FXYD5: variants seen among roughly 807,000 people sequenced by gnomAD.
FXYD5 encodes FXYD domain containing ion transport regulator 5, also known as FXYD domain-containing ion transport regulator 5.
FXYD5 carries 21 observed loss-of-function variants against 25.7 expected under a neutral mutation model. That is an observed-to-expected ratio of 0.82 (90% CI 0.58 to 1.18). The LOEUF (loss-of-function observed/expected upper bound fraction) is 1.18. Among genes scored for constraint, FXYD5 ranks in the 50% most tolerant of loss-of-function variants. FXYD5 has a pLI of 0.00. For missense variants in FXYD5, 229 were observed against 227.7 expected (o/e 1.01, Z -0.04); for synonymous variants, 101 against 90.7 (o/e 1.11, Z -0.64).
At chr19:35,159,617 T>G (rs1008736078) in intron 4 of FXYD5, 1 of 1,550,332 alleles carries the variant, frequency 6.5e-7, no homozygotes, top group Admixed American at 2.0e-5. Flanking sequence ...AGCAACTTTG[T>G]CCCTTCCTCC....
At position 35,169,807 on chromosome 19, in the gene FXYD5, T is replaced by C. The variant is rs2065483273; in HGVS notation, c.*192T>C. The C allele has an allele frequency of 3.4e-6, 2 of 591,388 alleles. No homozygotes were observed. The highest frequency in any genetic ancestry group is 6.0e-6 in the Non-Finnish European group (2 of 331,346). The allele number at this position is 591,388 out of a possible 1,614,324, so 36.6% of individuals were successfully genotyped here. A position where few individuals can be genotyped will look rare whatever the true frequency, so the allele number is the denominator to read the frequency against. ...CCCAACCCTGCCCGCCCCTGAAGGC[T>C]ACCTGGCGCCTTGGGGGCTGTCCCT... On this transcript the variant is annotated 3_prime_UTR_variant, in exon 9 of 9. Coordinates refer to ENST00000392219, the MANE Select transcript of FXYD5 (RefSeq NM_014164.6).
intron 8 of FXYD5, among the ~76,000 whole-genome samples, chr19:35,168,918 CTGGGCT>C (rs1028954761): frequency 6.6e-6 from 1 of 152,136 alleles, no homozygotes; most frequent in Non-Finnish European, 1.5e-5. Context: ...CAAAAATTAG[CTGGGCT>C]TGGTGGCACA....
intron 2 of FXYD5, 84 bp downstream of exon 2, chr19:35,155,695 C>T (rs1434346520): frequency 3.0e-6 from 3 of 1,010,672 alleles, no homozygotes; most frequent in Non-Finnish European, 4.7e-6. Context: ...GGTGGTTGGC[C>T]CGTGTGAACG....
chr19:35,163,989 C>G (rs2065428448), intron 5 of FXYD5, 167 bp from the exon 6 acceptor site: 1 of 1,481,834 alleles, frequency 6.7e-7, no homozygotes, highest in Non-Finnish European at 9.0e-7. Flanking sequence ...CAATGCCTGT[C>G]ATTACTTATT....
At chr19:35,164,990 G>C (rs1426759289) in intron 6 of FXYD5, among the ~76,000 whole-genome samples, 2 of 152,210 alleles carry the variant, frequency 1.3e-5, no homozygotes, top group African/African-American at 4.8e-5. Flanking sequence ...GAGACTTTCA[G>C]ATTTCAGATT....
At chr19:35,155,803 G>T (rs1158722848) in intron 2 of FXYD5, among the ~76,000 whole-genome samples, 192 bp downstream of exon 2, 1 of 152,212 alleles carries the variant, frequency 6.6e-6, no homozygotes, top group Non-Finnish European at 1.5e-5. Context: ...CTCAGACCCG[G>T]GTGGCTGCTT....
At chr19:35,157,035 T>A (rs2065362084) in intron 2 of FXYD5, 1 of 208,530 alleles carries the variant, frequency 4.8e-6, no homozygotes, top group African/African-American at 2.4e-5. Context: ...TACAGCCCTG[T>A]GAAGTAGATT....
intron 6 of FXYD5, among the ~76,000 whole-genome samples, chr19:35,165,086 C>T (rs534920273): frequency 9.3e-5 from 14 of 150,800 alleles, no homozygotes; most frequent in South Asian, 2.1e-4. Flanking sequence ...CATTTCCTTT[C>T]GGTGTCATGT....
intron 3 of FXYD5, among the ~76,000 whole-genome samples, chr19:35,158,016 G>A (rs1362840457): frequency 3.3e-5 from 5 of 152,170 alleles, no homozygotes; most frequent in Non-Finnish European, 7.4e-5. Context: ...GGAAGTTCTG[G>A]GGGCTTTTAT....
At chr19:35,159,582 T>C in intron 4 of FXYD5, 1 of 1,550,638 alleles carries the variant, frequency 6.4e-7, no homozygotes, top group Non-Finnish European at 8.7e-7. Flanking sequence ...TCCAGCTTTT[T>C]CTGTCTACAC....
At chr19:35,168,478 C>T (rs990181906) in intron 8 of FXYD5, among the ~76,000 whole-genome samples, 4 of 152,092 alleles carry the variant, frequency 2.6e-5, no homozygotes, top group African/African-American at 7.2e-5. Flanking sequence ...GAATGAGCTG[C>T]GCCCATTGCT....
chr19:35,158,410 G>T lies in FXYD5; in HGVS notation c.199+10G>T. ...ACCTGGCCTGCTGATGGTGAGTAGTGCAGGGGCAGGCGGCGGGGACAGGAC... is the reference window on the plus strand; with the variant it reads ...ACCTGGCCTGCTGATGGTGAGTAGTTCAGGGGCAGGCGGCGGGGACAGGAC... On this transcript the variant is annotated intron_variant, in intron 4 of 8. Transcript: ENST00000392219. The T allele has an allele frequency of 1.3e-6, 2 of 1,539,408 alleles. No homozygotes were observed. The highest frequency in any genetic ancestry group is 1.8e-6 in the Non-Finnish European group (2 of 1,112,496).
chr19:35,159,370 G>A, intron 4 of FXYD5: 1 of 1,186,300 alleles, frequency 8.4e-7, no homozygotes, highest in Non-Finnish European at 1.2e-6. Flanking sequence ...CACTGACTGT[G>A]TGCTGTGTTT....
chr19:35,155,693 G>A lies in FXYD5; in HGVS notation c.61+82G>A, dbSNP rs535189781. 9.1e-4 allele frequency: 950 copies of A among 1,043,516 alleles called. 17 individuals carry two copies. The highest frequency in any genetic ancestry group is 8.0e-3 in the South Asian group (636 of 79,716). 64.6% of individuals were successfully genotyped at this position (1,043,516 alleles called of 1,614,324 possible). On this transcript the variant is annotated intron_variant, in intron 2 of 8. Transcript: ENST00000392219. ...ACGTGTGCTGCGGGGTGGGTGGTTG[G>A]CCCGTGTGAACGTTGTCCTGCCCTG...
chr19:35,161,114 C>T (rs1406989050), intron 5 of FXYD5, among the ~76,000 whole-genome samples: 1 of 152,060 alleles, frequency 6.6e-6, no homozygotes, highest in Non-Finnish European at 1.5e-5. Flanking sequence ...CAGTTCCCCT[C>T]GGAGGGCTGG....
rs540515029 is a variant in FXYD5 at position 35,160,860 on chromosome 19, C to T, written c.292+59C>T. The T allele has an allele frequency of 7.5e-5, 74 of 992,422 alleles. No homozygotes were observed. The African/African-American group carries it at 1.1e-3, about 15-fold the overall frequency. 61.5% of individuals were successfully genotyped at this position (992,422 alleles called of 1,614,324 possible). A position where few individuals can be genotyped will look rare whatever the true frequency, so the allele number is the denominator to read the frequency against. Reference sequence around the variant, plus strand: ...TTTTTGTTTAATTCTCTATCTAGGTCAACATTTCCCTCAGTACGTTTCTCA... The same window carrying T: ...TTTTTGTTTAATTCTCTATCTAGGTTAACATTTCCCTCAGTACGTTTCTCA... On this transcript the variant is annotated intron_variant, in intron 5 of 8. Transcript: ENST00000392219.
At chr19:35,161,071 C>A (rs59086958) in intron 5 of FXYD5, among the ~76,000 whole-genome samples, 2 of 152,090 alleles carry the variant, frequency 1.3e-5, no homozygotes, top group Non-Finnish European at 2.9e-5. Context: ...GCAGTGTTTC[C>A]CTAACTGATA....
At chr19:35,158,197 G>A in intron 3 of FXYD5, 147 bp from the exon 4 acceptor site, 1 of 654,122 alleles carries the variant, frequency 1.5e-6, no homozygotes, top group South Asian at 1.7e-5. Context: ...CATTTCGGCA[G>A]TTAGCAAATG....
chr19:35,166,292 G>A lies in FXYD5; in HGVS notation c.454G>A (p.Val152Met), dbSNP rs780916646. The change falls in exon 8 of 9, where the codon GTG becomes ATG. Residue 152 changes from valine to methionine, a missense_variant. By Grantham distance (21) the Val-to-Met change is conservative. Coordinates refer to ENST00000392219, the MANE Select transcript of FXYD5 (RefSeq NM_014164.6). ...GAAACGGGGGCTGTTGGTCGCAGCT[G>A]TGCTGTTCATCACAGGCATCATCAT... ...LRKRGLLVAA[V>M]LFITGIIILT... 3 of 1,603,928 alleles carry A rather than the reference G, an allele frequency of 1.9e-6. No homozygotes were observed. The highest frequency in any genetic ancestry group is 2.2e-5 in the East Asian group (1 of 44,842).
Sources: gnomAD v4.1 joint callset for allele counts (sites outside exome capture counted in the v4.1 genomes callset) on GRCh38, gnomAD v4.1.1 for gene constraint, MANE v1.5 for transcripts, NCBI Gene and HGNC (gene_info 2026-07-23, HGNC 2026-07-21) for gene names.